RAD51B: variants seen among roughly 807,000 people sequenced by gnomAD.
RAD51B encodes RAD51 paralog B, also known as DNA repair protein RAD51 homolog 2.
In RAD51B, 38 loss-of-function variants were observed where a neutral mutation model predicts 42.2. The observed-to-expected ratio is 0.90, with a 90% CI of 0.70 to 1.18. The LOEUF is 1.18. Ranked by LOEUF, RAD51B falls within the 50% of genes most tolerant of loss-of-function variation. The pLI, the probability that RAD51B is intolerant of heterozygous loss-of-function variation, is 0.00. For synonymous variants in RAD51B, 154 were observed against 145.2 expected (o/e 1.06, Z -0.43); for missense variants, 373 against 400.7 (o/e 0.93, Z 0.59).
chr14:68,448,614 T>C (rs571578859), intron 9 of RAD51B, among the ~76,000 whole-genome samples: 2 of 152,376 alleles, frequency 1.3e-5, no homozygotes, highest in South Asian at 4.1e-4. Flanking sequence ...TTATACTTGC[T>C]GTAAATATGG....
chr14:68,248,434 C>G (rs2080545475), intron 7 of RAD51B, among the ~76,000 whole-genome samples: 1 of 152,112 alleles, frequency 6.6e-6, no homozygotes. Flanking sequence ...CAATGCCTCC[C>G]CAGGCTGCCA....
chr14:68,188,108 C>T (rs866226404), intron 7 of RAD51B, among the ~76,000 whole-genome samples: 2 of 152,184 alleles, frequency 1.3e-5, no homozygotes, highest in South Asian at 2.1e-4. Context: ...AGCCACCACT[C>T]CCGGCCTGGA....
intron 7 of RAD51B, among the ~76,000 whole-genome samples, chr14:68,146,253 C>G (rs943288345): frequency 5.9e-5 from 9 of 152,074 alleles, no homozygotes. Context: ...AGTTTGAGAC[C>G]AGCTTGGGCA....
intron 7 of RAD51B, among the ~76,000 whole-genome samples, chr14:68,203,219 T>C (rs1278217100): frequency 3.3e-5 from 5 of 152,232 alleles, no homozygotes; most frequent in Admixed American, 1.3e-4. Flanking sequence ...AAAATTTATT[T>C]CTTAAATATT....
chr14:68,432,378 G>A (rs529568438), intron 9 of RAD51B, among the ~76,000 whole-genome samples: 1 of 152,244 alleles, frequency 6.6e-6, no homozygotes, highest in Non-Finnish European at 1.5e-5. Flanking sequence ...ATTATTGTGT[G>A]GGCGTCTAAG....
Position 68,658,613 on chromosome 14 carries a change from A to G in RAD51B, c.*11+7757A>G, listed in dbSNP as rs568230479. 4.6e-5 allele frequency among the ~76,000 whole-genome samples: 7 copies of G among 152,296 alleles called. 1 individual carries two copies. The South Asian group carries it at 1.5e-3, about 32-fold the overall frequency. ...AATAGGACGGAATGAACTACACTCC[A>G]TCCACAGAGGGAAACATGGAGGTTC... is the stretch of plus-strand genomic sequence containing the variant. On this transcript the variant is annotated intron_variant, in intron 11 of 11. Transcript: ENST00000488612.
intron 10 of RAD51B, among the ~76,000 whole-genome samples, chr14:68,490,755 A>C (rs577661776): frequency 6.6e-6 from 1 of 152,268 alleles, no homozygotes; most frequent in East Asian, 1.9e-4. Context: ...TGGAGGGAAA[A>C]CGTTGAGAGG....
chr14:68,521,640 T>C (rs558924930), intron 10 of RAD51B, among the ~76,000 whole-genome samples: 4 of 152,198 alleles, frequency 2.6e-5, no homozygotes, highest in Non-Finnish European at 5.9e-5. Flanking sequence ...ACCTTATACG[T>C]TTCAGGTGGT....
chr14:67,875,429 TAAC>T (rs1278677429), intron 5 of RAD51B, among the ~76,000 whole-genome samples: 2 of 152,270 alleles, frequency 1.3e-5, no homozygotes, highest in Non-Finnish European at 2.9e-5. Flanking sequence ...ATGTGCTACA[TAAC>T]AACATTTCAG....
chr14:67,864,614 T>C (rs1368328989), intron 4 of RAD51B, among the ~76,000 whole-genome samples: 10 of 152,250 alleles, frequency 6.6e-5, no homozygotes, highest in Non-Finnish European at 1.5e-4. Context: ...TATTAAAGAC[T>C]CTTAAATATT....
intron 10 of RAD51B, among the ~76,000 whole-genome samples, chr14:68,571,113 A>G (rs1392748273): frequency 6.6e-6 from 1 of 152,178 alleles, no homozygotes. Flanking sequence ...CTGTCAAGCA[A>G]TGGCAAGTTT....
intron 7 of RAD51B, among the ~76,000 whole-genome samples, chr14:67,899,249 CCA>C (rs2043529262): frequency 2.0e-5 from 3 of 151,680 alleles, no homozygotes. Context: ...CGGGGTTTCA[CCA>C]TGTTAGCCAG....
chr14:68,042,873 G>T (rs2076239191), intron 7 of RAD51B, among the ~76,000 whole-genome samples: 1 of 152,158 alleles, frequency 6.6e-6, no homozygotes, highest in South Asian at 2.1e-4. Flanking sequence ...CATGTCAGGG[G>T]ATGGGATCAC....
chr14:68,559,888 G>T (rs1042286396), intron 10 of RAD51B, among the ~76,000 whole-genome samples: 2 of 152,136 alleles, frequency 1.3e-5, no homozygotes, highest in Non-Finnish European at 2.9e-5. Context: ...TCTGCCCTGG[G>T]GTCCCCAGTG....
chr14:68,429,985 C>T (rs1191284206), intron 9 of RAD51B, among the ~76,000 whole-genome samples: 3 of 152,154 alleles, frequency 2.0e-5, no homozygotes, highest in African/African-American at 7.2e-5. Context: ...GTTTTCCCAG[C>T]ACCGTTTATT....
chr14:68,189,512 C>A (rs2079221634), intron 7 of RAD51B, among the ~76,000 whole-genome samples: 1 of 152,120 alleles, frequency 6.6e-6, no homozygotes. Context: ...AAATTTCATC[C>A]ATTTTTCTAC....
chr14:68,045,709 C>T (rs1051210614), intron 7 of RAD51B, among the ~76,000 whole-genome samples: 1 of 151,922 alleles, frequency 6.6e-6, no homozygotes, highest in Admixed American at 6.6e-5. Flanking sequence ...TTTGAAAATA[C>T]CAAAACTCAG....
At chr14:68,324,749 A>C (rs1595709395) in intron 8 of RAD51B, among the ~76,000 whole-genome samples, 1 of 152,198 alleles carries the variant, frequency 6.6e-6, no homozygotes, top group African/African-American at 2.4e-5. Context: ...ATTCCTGTTG[A>C]AGTATCCTTT....
At chr14:68,173,706 A>G (rs1023324408) in intron 7 of RAD51B, among the ~76,000 whole-genome samples, 1 of 152,220 alleles carries the variant, frequency 6.6e-6, no homozygotes, top group Non-Finnish European at 1.5e-5. Context: ...GCAGCAGACT[A>G]TTAGGGAGTA....
Sources: gnomAD v4.1 joint callset for allele counts (sites outside exome capture counted in the v4.1 genomes callset) on GRCh38, gnomAD v4.1.1 for gene constraint, MANE v1.5 for transcripts, NCBI Gene and HGNC (gene_info 2026-07-23, HGNC 2026-07-21) for gene names.